The following STAU1 variants were observed in gnomAD, a reference collection of about 807,000 sequenced individuals.
STAU1 encodes double-stranded RNA-binding protein Staufen homolog 1.
STAU1 carries 13 observed loss-of-function variants against 62.9 expected under a neutral mutation model. The ratio of observed to expected loss-of-function variants is 0.21; its 90% confidence interval spans 0.13 to 0.33. STAU1 has a LOEUF of 0.33. Among genes scored for constraint, STAU1 ranks in the 10% least tolerant of loss-of-function variants. The probability of loss-of-function intolerance (pLI) is 1.00; values close to 1 mark genes in which losing one functional copy is unlikely to be tolerated. For missense variants in STAU1, 571 were observed against 712.1 expected (o/e 0.80, Z 2.25); for synonymous variants, 269 against 265.1 (o/e 1.01, Z -0.14).
chr20:49,179,398 T>C (rs1175239724), intron 1 of STAU1, among the ~76,000 whole-genome samples: 1 of 152,222 alleles, frequency 6.6e-6, no homozygotes, highest in African/African-American at 2.4e-5. Flanking sequence ...AGTCACTTGC[T>C]AAACATTACA....
At chr20:49,126,480 A>C (rs572423524) in intron 6 of STAU1, among the ~76,000 whole-genome samples, 14 of 149,792 alleles carry the variant, frequency 9.3e-5, no homozygotes, top group African/African-American at 3.5e-4. Flanking sequence ...AAACAGGAGG[A>C]TCACTTAAGC....
intron 2 of STAU1, 143 bp from the exon 3 acceptor site, chr20:49,166,428 A>T: frequency 3.7e-6 from 2 of 542,706 alleles, no homozygotes; most frequent in Non-Finnish European, 6.6e-6. Context: ...TATTCGAAAT[A>T]TGTTTCTCCT....
chr20:49,178,342 C>T (rs754235768), intron 1 of STAU1, among the ~76,000 whole-genome samples: 1 of 151,264 alleles, frequency 6.6e-6, no homozygotes, highest in Non-Finnish European at 1.5e-5. Flanking sequence ...AACCAGGCAC[C>T]GTGGCTCAGG....
intron 1 of STAU1, among the ~76,000 whole-genome samples, chr20:49,185,821 T>A (rs1600911908): frequency 1.3e-5 from 2 of 152,188 alleles, no homozygotes; most frequent in Non-Finnish European, 2.9e-5. Flanking sequence ...CATTGTGATA[T>A]GGCAGTATTA....
At position 49,114,606 on chromosome 20, in the gene STAU1, C is replaced by CTGGCT. The variant is rs1467723425; in HGVS notation, c.*267_*271dup. ...TCTGCTGGTGTCCCGGGAGAACCAG[C>CTGGCT]TGGCTGGGCAGCCCTTCTTCCCCAC... On this transcript the variant is annotated 3_prime_UTR_variant, in exon 14 of 14. Coordinates refer to ENST00000371856, the MANE Select transcript of STAU1 (RefSeq NM_017453.4). The CTGGCT allele has an allele frequency of 1.5e-4, 66 of 431,208 alleles. No homozygotes were observed. Among genetic ancestry groups the CTGGCT allele is most frequent in the Non-Finnish European group, 2.5e-4 (61 of 239,316 alleles). The allele number at this position is 431,208 out of a possible 1,614,324, so 26.7% of individuals were successfully genotyped here.
At chr20:49,151,266 G>A (rs767923362) in intron 5 of STAU1, among the ~76,000 whole-genome samples, 1 of 152,254 alleles carries the variant, frequency 6.6e-6, no homozygotes, top group South Asian at 2.1e-4. Context: ...CTTGAGCACC[G>A]AAGACTTCAT....
chr20:49,129,786 C>G (rs1410202013), intron 6 of STAU1, among the ~76,000 whole-genome samples: 1 of 151,828 alleles, frequency 6.6e-6, no homozygotes, highest in African/African-American at 2.4e-5. Context: ...AGGCACATGC[C>G]TGGCTAATTT....
At chr20:49,134,434 GAAAAA>G in intron 6 of STAU1, 9 of 430,722 alleles carry the variant, frequency 2.1e-5, no homozygotes, top group Admixed American at 6.6e-5. Context: ...TCATCTCAGG[GAAAAA>G]AAAAAAAAAA....
At chr20:49,211,314 T>A in the STAU1 span, among the ~76,000 whole-genome samples, 5 of 152,118 alleles carry the variant, frequency 3.3e-5, no homozygotes, top group Non-Finnish European at 7.4e-5. Flanking sequence ...GTCCTTGCTT[T>A]CACTTCTTTT....
At chr20:49,155,243 A>G (rs2093340029) in intron 3 of STAU1, among the ~76,000 whole-genome samples, 1 of 152,220 alleles carries the variant, frequency 6.6e-6, no homozygotes, top group African/African-American at 2.4e-5. Flanking sequence ...CACAAGGCCC[A>G]CAAAATATTC....
the STAU1 span, among the ~76,000 whole-genome samples, chr20:49,201,146 G>A: frequency 6.6e-6 from 1 of 151,470 alleles, no homozygotes; most frequent in East Asian, 1.9e-4. Flanking sequence ...CTGGGGAAGG[G>A]AAAGGAAGTT....
At chr20:49,198,557 T>C in the STAU1 span, among the ~76,000 whole-genome samples, 25 of 152,158 alleles carry the variant, frequency 1.6e-4, no homozygotes, top group Non-Finnish European at 1.5e-5. Flanking sequence ...GGGATGGGCA[T>C]GGTGGCTTAT....
chr20:49,184,096 A>AT (rs565168331), intron 1 of STAU1, among the ~76,000 whole-genome samples: 14 of 151,806 alleles, frequency 9.2e-5, no homozygotes, highest in South Asian at 4.2e-4. Flanking sequence ...AGCCCGGCTA[A>AT]TTTTTTTTAT....
intron 6 of STAU1, among the ~76,000 whole-genome samples, chr20:49,127,881 G>A (rs947054134): frequency 6.6e-6 from 1 of 152,024 alleles, no homozygotes; most frequent in Non-Finnish European, 1.5e-5. Context: ...TGGGCTCGGT[G>A]GCTCACGCCT....
At chr20:49,163,419 CTTTTT>C (rs200864480) in intron 3 of STAU1, among the ~76,000 whole-genome samples, 3 of 82,440 alleles carry the variant, frequency 3.6e-5, no homozygotes, top group African/African-American at 1.6e-4. Context: ...GTGTTTAAAC[CTTTTT>C]TTTTTTTTTT....
chr20:49,131,052 G>A (rs981140263), intron 6 of STAU1, among the ~76,000 whole-genome samples: 1 of 152,110 alleles, frequency 6.6e-6, no homozygotes, highest in Non-Finnish European at 1.5e-5. Flanking sequence ...GATGCTCTGA[G>A]AAGGATCAAT....
At chr20:49,189,029 G>A (rs1188664929), upstream of STAU1, among the ~76,000 whole-genome samples, 1 of 150,912 alleles carries the variant, frequency 6.6e-6, no homozygotes. Context: ...TGAAACCCCC[G>A]TCTCTACTGA....
At chr20:49,146,881 C>G (rs1472762295) in intron 5 of STAU1, among the ~76,000 whole-genome samples, 4 of 152,022 alleles carry the variant, frequency 2.6e-5, no homozygotes, top group African/African-American at 9.7e-5. Context: ...AACCACTTTC[C>G]TAGTAACAGA....
At chr20:49,154,735 G>A (rs1057124543) in intron 3 of STAU1, among the ~76,000 whole-genome samples, 5 of 151,940 alleles carry the variant, frequency 3.3e-5, no homozygotes, top group South Asian at 4.1e-4. Flanking sequence ...GCATGGTGGC[G>A]GGTGCCTGCA....
Sources: gnomAD v4.1 joint callset for allele counts (sites outside exome capture counted in the v4.1 genomes callset) on GRCh38, gnomAD v4.1.1 for gene constraint, MANE v1.5 for transcripts, NCBI Gene and HGNC (gene_info 2026-07-23, HGNC 2026-07-21) for gene names.